CNTN4: variants seen among roughly 807,000 people sequenced by gnomAD.
CNTN4 encodes the protein contactin 4.
Under a neutral mutation model 122.5 loss-of-function variants are expected in CNTN4, and 77 were observed. That is an observed-to-expected ratio of 0.63 (90% CI 0.52 to 0.76). The LOEUF (loss-of-function observed/expected upper bound fraction) is 0.76. Among genes scored for constraint, CNTN4 ranks in the 30% least tolerant of loss-of-function variants. The pLI, the probability that CNTN4 is intolerant of heterozygous loss-of-function variation, is 0.00. For synonymous variants in CNTN4, 512 were observed against 447.0 expected (o/e 1.15, Z -1.83); for missense variants, 1,256 against 1,259.1 (o/e 1.00, Z 0.04).
chr3:2,922,866 C>A (rs1461867865), intron 12 of CNTN4, among the ~76,000 whole-genome samples: 1 of 152,156 alleles, frequency 6.6e-6, no homozygotes, highest in South Asian at 2.1e-4. Flanking sequence ...CCACCTCAGC[C>A]TCCCAAAGTG....
In CNTN4 at chr3:2,385,723, T is replaced by C. The variant is rs1279279575; in HGVS notation, c.-89+46490T>C. On this transcript the variant is annotated intron_variant, in intron 3 of 24. Transcript: ENST00000418658. The surrounding 1 kb of genome is among the most constrained non-coding windows in gnomAD (Gnocchi z 4.0). ...TGTATGCCTGTGTGTTCAAATTTTT[T>C]CCTCTTCTCATAAGGACATAAGTCT... Among the ~76,000 whole-genome samples, 1 of 152,082 alleles carries C rather than the reference T, an allele frequency of 6.6e-6. No individual in the cohort carries two copies. Among genetic ancestry groups the C allele is most frequent in the Non-Finnish European group, 1.5e-5 (1 of 68,030 alleles).
chr3:3,033,584 G>A (rs1053011642), intron 16 of CNTN4, among the ~76,000 whole-genome samples: 4 of 152,144 alleles, frequency 2.6e-5, no homozygotes, highest in African/African-American at 9.7e-5. Flanking sequence ...CTGGGGATTA[G>A]CAAATCCTTC....
chr3:2,170,728 A>T (rs562355886), intron 2 of CNTN4, among the ~76,000 whole-genome samples: 2 of 152,194 alleles, frequency 1.3e-5, no homozygotes, highest in African/African-American at 4.8e-5. Flanking sequence ...ACTTTACTAG[A>T]TATAAATATG....
intron 13 of CNTN4, among the ~76,000 whole-genome samples, chr3:2,932,669 G>A (rs992184538): frequency 7.2e-5 from 11 of 152,140 alleles, no homozygotes; most frequent in Non-Finnish European, 1.5e-4. Flanking sequence ...AAATACATAC[G>A]TCACTGGAGC....
chr3:2,855,388 C>T (rs886859540), intron 7 of CNTN4, among the ~76,000 whole-genome samples: 1 of 152,202 alleles, frequency 6.6e-6, no homozygotes, highest in African/African-American at 2.4e-5. Flanking sequence ...TTCTATATCT[C>T]ACTTTCCCTG....
chr3:2,667,416 T>C (rs970657478), intron 4 of CNTN4, among the ~76,000 whole-genome samples: 22 of 152,316 alleles, frequency 1.4e-4, no homozygotes, highest in South Asian at 4.1e-4. Context: ...TTCATATCCT[T>C]TGCCCACTTG....
rs553324522 is a variant in CNTN4, at chr3:2,168,278, A to G, written c.-145+67639A>G. On this transcript the variant is annotated intron_variant, in intron 2 of 24. Transcript: ENST00000418658. ...AAAAATCTTATAGGTTATATTGTCT[A>G]ATTAAAGAGCAATAAAATTATAAAT... Among the ~76,000 whole-genome samples, 6 of 152,344 alleles carry G rather than the reference A, an allele frequency of 3.9e-5. No individual in the cohort carries two copies. The South Asian group carries it at 1.0e-3, about 26-fold the overall frequency.
chr3:2,822,952 G>A (rs1390588447), intron 7 of CNTN4, among the ~76,000 whole-genome samples: 2 of 152,172 alleles, frequency 1.3e-5, no homozygotes, highest in African/African-American at 4.8e-5. Flanking sequence ...AACGCTGTGG[G>A]CAAAGCAGGC....
chr3:2,403,024 G>T (rs1283170642), intron 3 of CNTN4, among the ~76,000 whole-genome samples: 1 of 152,038 alleles, frequency 6.6e-6, no homozygotes, highest in East Asian at 1.9e-4. Flanking sequence ...TGTCGGCAGG[G>T]TTCGTTTCTT....
At chr3:2,727,436 A>G (rs1441115919) in intron 4 of CNTN4, among the ~76,000 whole-genome samples, 1 of 152,196 alleles carries the variant, frequency 6.6e-6, no homozygotes, top group Non-Finnish European at 1.5e-5. Flanking sequence ...CTTTCTTGTC[A>G]TAACTAGGGC....
At chr3:2,576,856 C>T (rs569708766) in intron 4 of CNTN4, among the ~76,000 whole-genome samples, 8 of 152,214 alleles carry the variant, frequency 5.3e-5, no homozygotes, top group South Asian at 2.1e-4. Context: ...TCACGCCTCG[C>T]CCATTTCTGA....
intron 6 of CNTN4, among the ~76,000 whole-genome samples, chr3:2,755,013 G>C (rs1372367223): frequency 1.3e-5 from 2 of 152,280 alleles, no homozygotes; most frequent in East Asian, 1.9e-4. Context: ...TAGTGGTAGT[G>C]GTGGTGGTGA....
In CNTN4 at chr3:2,983,030, C is replaced by A. The variant is rs554924149; in HGVS notation, c.1359-5315C>A. On this transcript the variant is annotated intron_variant, in intron 13 of 24. Coordinates refer to ENST00000418658, the MANE Select transcript of CNTN4 (RefSeq NM_175607.3). ...GAGATCGAGACCATCCTGGCGAACA[C>A]GGTGAAAACCTGTCTCTACTAAAAA... is the stretch of plus-strand genomic sequence containing the variant. Among the ~76,000 whole-genome samples, 19 of 151,346 alleles carry A rather than the reference C, an allele frequency of 1.3e-4. No individual in the cohort carries two copies. The East Asian group carries it at 2.7e-3, about 22-fold the overall frequency.
intron 4 of CNTN4, among the ~76,000 whole-genome samples, chr3:2,683,776 T>C (rs1320459823): frequency 6.6e-6 from 1 of 152,180 alleles, no homozygotes; most frequent in Non-Finnish European, 1.5e-5. Flanking sequence ...CCTAGGAGTG[T>C]TCCAATATCC....
At chr3:2,374,476 C>T (rs1457727712) in intron 3 of CNTN4, among the ~76,000 whole-genome samples, 2 of 152,180 alleles carry the variant, frequency 1.3e-5, no homozygotes, top group Non-Finnish European at 2.9e-5. Flanking sequence ...TGAGTATGAT[C>T]TGTAACTACC....
chr3:2,588,429 T>C (rs952196618), intron 4 of CNTN4, among the ~76,000 whole-genome samples: 7 of 151,644 alleles, frequency 4.6e-5, no homozygotes, highest in African/African-American at 2.4e-5. Flanking sequence ...TGCAGTGGTG[T>C]GATCTCGGCT....
At chr3:2,642,022 G>A (rs1374352236) in intron 4 of CNTN4, among the ~76,000 whole-genome samples, 1 of 152,198 alleles carries the variant, frequency 6.6e-6, no homozygotes, top group Non-Finnish European at 1.5e-5. Flanking sequence ...TAGGATAGAT[G>A]TGTGTATAAA....
intron 12 of CNTN4, among the ~76,000 whole-genome samples, chr3:2,906,282 A>G (rs962866769): frequency 6.6e-6 from 1 of 152,206 alleles, no homozygotes; most frequent in Non-Finnish European, 1.5e-5. Context: ...CACGATGATT[A>G]TAGTTAATAA....
intron 2 of CNTN4, among the ~76,000 whole-genome samples, chr3:2,270,406 T>TG: frequency 6.6e-6 from 1 of 151,952 alleles, no homozygotes; most frequent in East Asian, 1.9e-4. Flanking sequence ...GTGTGTACAT[T>TG]GGGGAAGGGG....
Sources: gnomAD v4.1 joint callset for allele counts (sites outside exome capture counted in the v4.1 genomes callset) on GRCh38, gnomAD v4.1.1 for gene constraint, Gnocchi (gnomAD v3.1) non-coding constraint, MANE v1.5 for transcripts, NCBI Gene and HGNC (gene_info 2026-07-23, HGNC 2026-07-21) for gene names.